HNF4G: variants seen among roughly 807,000 people sequenced by gnomAD.
HNF4G encodes hepatocyte nuclear factor 4-gamma.
Under a neutral mutation model 50.9 loss-of-function variants are expected in HNF4G, and 21 were observed. That is an observed-to-expected ratio of 0.41 (90% CI 0.29 to 0.59). HNF4G has a LOEUF of 0.59. HNF4G is among the 20% of genes least tolerant of loss of function. The probability of loss-of-function intolerance (pLI) is 0.26; values close to 1 mark genes in which losing one functional copy is unlikely to be tolerated. For missense variants in HNF4G, 527 were observed against 559.4 expected (o/e 0.94, Z 0.58); for synonymous variants, 198 against 185.6 (o/e 1.07, Z -0.54).
chr8:75,478,489 A>G (rs76883323), intron 1 of HNF4G, among the ~76,000 whole-genome samples: 9,816 of 152,182 alleles, frequency 0.065, 357 homozygotes, highest in Middle Eastern at 0.068. Context: ...AGGACGTTGA[A>G]ATTCATAGCA....
intron 1 of HNF4G, among the ~76,000 whole-genome samples, chr8:75,434,359 T>C (rs1811088634): frequency 6.6e-6 from 1 of 152,034 alleles, no homozygotes; most frequent in South Asian, 2.1e-4. Context: ...TGTTTAAAAA[T>C]GAATGATCAT....
intron 2 of HNF4G, among the ~76,000 whole-genome samples, chr8:75,508,619 T>C (rs1355810691): frequency 6.6e-6 from 1 of 152,218 alleles, no homozygotes; most frequent in Non-Finnish European, 1.5e-5. Context: ...GCTTAGAATC[T>C]AGCTGAAAGC....
intron 8 of HNF4G, 94 bp from the exon 9 acceptor site, chr8:75,560,250 G>T: frequency 7.5e-7 from 1 of 1,336,606 alleles, no homozygotes. Flanking sequence ...CAAAAATAGC[G>T]ATATTTAAGC....
intron 1 of HNF4G, among the ~76,000 whole-genome samples, chr8:75,461,189 CA>C (rs1227073878): frequency 6.6e-6 from 1 of 152,234 alleles, no homozygotes; most frequent in East Asian, 1.9e-4. Flanking sequence ...AGCTCGAGGT[CA>C]GAAGTACAAA....
chr8:75,413,943 G>A (rs543757247), intron 1 of HNF4G, among the ~76,000 whole-genome samples: 2 of 152,228 alleles, frequency 1.3e-5, no homozygotes, highest in East Asian at 3.9e-4. Context: ...AAAACCTAGT[G>A]AAAAGCCAAC....
intron 1 of HNF4G, among the ~76,000 whole-genome samples, chr8:75,449,497 A>G (rs1585853845): frequency 7.1e-6 from 1 of 140,432 alleles, no homozygotes; most frequent in East Asian, 2.1e-4. Flanking sequence ...AGTAATATAT[A>G]TATATTTTTT....
At chr8:75,554,550 C>T (rs1311553588) in intron 5 of HNF4G, among the ~76,000 whole-genome samples, 1 of 152,054 alleles carries the variant, frequency 6.6e-6, no homozygotes, top group African/African-American at 2.4e-5. Context: ...GTGTTATTAT[C>T]TCCATTTTAC....
chr8:75,540,578 T>C (rs551322088), intron 1 of HNF4G, among the ~76,000 whole-genome samples: 5 of 152,278 alleles, frequency 3.3e-5, no homozygotes, highest in South Asian at 2.1e-4. Context: ...GGTTTTTGCA[T>C]TGAACGCAAA....
intron 1 of HNF4G, among the ~76,000 whole-genome samples, chr8:75,482,693 A>T (rs917625987): frequency 7.2e-5 from 11 of 151,934 alleles, no homozygotes; most frequent in Admixed American, 5.3e-4. Context: ...TTTGTTTTGG[A>T]TACTTTCCTG....
intron 1 of HNF4G, among the ~76,000 whole-genome samples, chr8:75,475,487 T>C (rs915072254): frequency 6.6e-6 from 1 of 152,192 alleles, no homozygotes. Flanking sequence ...TGCATGTTTA[T>C]GTGTGTGCGT....
intron 1 of HNF4G, among the ~76,000 whole-genome samples, chr8:75,449,821 T>G (rs1218375024): frequency 6.6e-6 from 1 of 152,144 alleles, no homozygotes; most frequent in African/African-American, 2.4e-5. Context: ...TCAATAATAT[T>G]TTTTGTTGTG....
chr8:75,541,681 G>A (rs943581382), intron 1 of HNF4G, among the ~76,000 whole-genome samples: 7 of 152,072 alleles, frequency 4.6e-5, no homozygotes, highest in Admixed American at 2.6e-4. Context: ...ATTTTATAAT[G>A]AAGTTTTATT....
chr8:75,418,364 C>T (rs569346250), intron 1 of HNF4G, among the ~76,000 whole-genome samples: 10 of 152,212 alleles, frequency 6.6e-5, no homozygotes, highest in Non-Finnish European at 8.8e-5. Context: ...ACAGTTCAGC[C>T]AATAATAACA....
At chr8:75,443,959 T>C (rs1209408591) in intron 1 of HNF4G, among the ~76,000 whole-genome samples, 1 of 151,788 alleles carries the variant, frequency 6.6e-6, no homozygotes, top group Admixed American at 6.6e-5. Flanking sequence ...TGATACTGGT[T>C]TGAGAAATGA....
At chr8:75,412,397 A>G (rs1056937696) in intron 1 of HNF4G, among the ~76,000 whole-genome samples, 1 of 152,228 alleles carries the variant, frequency 6.6e-6, no homozygotes, top group Non-Finnish European at 1.5e-5. Flanking sequence ...TTCAAAGTAC[A>G]TATGGATAAA....
Position 75,475,015 on chromosome 8 carries a change from A to T in HNF4G, c.-143-15074A>T, listed in dbSNP as rs372234183. 1.5e-3 allele frequency among the ~76,000 whole-genome samples: 221 copies of T among 144,178 alleles called. 1 individual carries two copies. Among genetic ancestry groups the T allele is most frequent in the African/African-American group, 4.3e-3 (165 of 38,638 alleles). 94.6% of individuals were successfully genotyped at this position (144,178 alleles called of 152,430 possible). On this transcript the variant is annotated intron_variant, in intron 1 of 10. Coordinates refer to the HNF4G transcript ENST00000354370. ...CTGGCCTATTATTTATTAATTAATT[A>T]ATTTATTTTTTGAGACGGAGTCTTG... is the stretch of plus-strand genomic sequence containing the variant.
intron 2 of HNF4G, among the ~76,000 whole-genome samples, chr8:75,505,295 T>G (rs1813046506): frequency 6.6e-6 from 1 of 152,304 alleles, no homozygotes. Context: ...AATGTTAGTC[T>G]GAGATGTCCT....
chr8:75,509,192 C>T (rs1284784338), intron 2 of HNF4G, among the ~76,000 whole-genome samples: 1 of 152,142 alleles, frequency 6.6e-6, no homozygotes, highest in African/African-American at 2.4e-5. Flanking sequence ...GGGTCAAATT[C>T]CCAGTTCTAG....
At chr8:75,548,143 C>T (rs1362151943) in intron 3 of HNF4G, among the ~76,000 whole-genome samples, 2 of 151,926 alleles carry the variant, frequency 1.3e-5, no homozygotes, top group Admixed American at 6.6e-5. Context: ...CATCATCACG[C>T]CTGGCTAATT....
Sources: gnomAD v4.1 joint callset for allele counts (sites outside exome capture counted in the v4.1 genomes callset) on GRCh38, gnomAD v4.1.1 for gene constraint, MANE v1.5 for transcripts, NCBI Gene and HGNC (gene_info 2026-07-23, HGNC 2026-07-21) for gene names.